The following FREM2 variants were observed in gnomAD, a reference collection of about 807,000 sequenced individuals.
The protein encoded by FREM2 is FRAS1 related extracellular matrix 2.
Under a neutral mutation model 219.9 loss-of-function variants are expected in FREM2, and 119 were observed. The ratio of observed to expected loss-of-function variants is 0.54; its 90% CI spans 0.47 to 0.63. The LOEUF (loss-of-function observed/expected upper bound fraction) is 0.63. Among genes scored for constraint, FREM2 ranks in the 30% least tolerant of loss-of-function variants. The pLI, the probability that FREM2 is intolerant of heterozygous loss-of-function variation, is 0.00. For synonymous variants in FREM2, 1,562 were observed against 1,522.8 expected (o/e 1.03, Z -0.60); for missense variants, 4,030 against 3,993.6 (o/e 1.01, Z -0.25).
chr13:38,699,928 C>A (rs1870276245), intron 2 of FREM2, among the ~76,000 whole-genome samples: 1 of 152,014 alleles, frequency 6.6e-6, no homozygotes. Flanking sequence ...GTAGGCATAT[C>A]TATAAGTCAT....
rs754616560 is a variant in FREM2 at position 38,850,973 on chromosome 13, C to G, written c.6607C>G (p.Leu2203Val). 13 of 1,613,040 alleles carry G rather than the reference C, an allele frequency of 8.1e-6. No homozygotes were observed. Among genetic ancestry groups the G allele is most frequent in the Non-Finnish European group, 1.1e-5 (13 of 1,179,980 alleles). Residue 2203 changes from leucine to valine, a missense_variant, in exon 10 of 24, where the codon CTG becomes GTG. Leu to Val is a conservative substitution (Grantham distance 32). This residue lies in a region of FREM2 where 3,102 missense variants were observed against 2,950.7 expected (regional missense o/e 1.05). Coordinates refer to ENST00000280481, the MANE Select transcript of FREM2 (RefSeq NM_207361.6). ...GACAGAAAAGCCCTGCATTCTTGAG[C>G]TGATGGACGATGTGCTCTATGAGGA... ...GETEKPCILELMDDVLYEEVE... is the reference protein window; with the variant it reads ...GETEKPCILEVMDDVLYEEVE...
At chr13:38,783,465 T>A in intron 5 of FREM2, among the ~76,000 whole-genome samples, 1 of 82,410 alleles carries the variant, frequency 1.2e-5, no homozygotes. Flanking sequence ...TAGAAATGGG[T>A]TACTATATAA....
intron 4 of FREM2, among the ~76,000 whole-genome samples, chr13:38,771,008 G>T (rs528173274): frequency 1.3e-5 from 2 of 152,096 alleles, no homozygotes; most frequent in African/African-American, 4.8e-5. Context: ...TATTTTGTCA[G>T]TCAGAAAACT....
At position 38,739,801 on chromosome 13, in the gene FREM2, A is replaced by G. The variant is rs556885299; in HGVS notation, c.5264-24503A>G. Among the ~76,000 whole-genome samples, 3 of 152,322 alleles carry G rather than the reference A, an allele frequency of 2.0e-5. No homozygotes were observed. The East Asian group carries it at 5.8e-4, about 29-fold the overall frequency. On this transcript the variant is annotated intron_variant, in intron 2 of 23. Transcript: ENST00000280481. ...CCAGTATTGTTTGGTTATATAGTGC[A>G]TGATTGGAATTTGTTTTACTGATAA...
chr13:38,712,524 A>G (rs566304779), intron 2 of FREM2, among the ~76,000 whole-genome samples: 1 of 152,304 alleles, frequency 6.6e-6, no homozygotes, highest in South Asian at 2.1e-4. Context: ...GAATATAGAA[A>G]GCATTTTGTA....
rs533160053 is a variant in FREM2 at position 38,849,309 on chromosome 13, A to C, written c.6379+639A>C. ...GTCATCAGTATCTTGATTGTGCCTCAAGAATTCCCGTCACCACAGTTGGGT... is the reference window on the plus strand; with the variant it reads ...GTCATCAGTATCTTGATTGTGCCTCCAGAATTCCCGTCACCACAGTTGGGT... On this transcript the variant is annotated intron_variant, in intron 8 of 23. Transcript: ENST00000280481. Among the ~76,000 whole-genome samples the C allele has an allele frequency of 3.9e-5, 6 of 152,336 alleles. No homozygotes were observed. The South Asian group carries it at 1.0e-3, about 26-fold the overall frequency.
At chr13:38,879,990 A>AT in intron 23 of FREM2, among the ~76,000 whole-genome samples, 1 of 152,252 alleles carries the variant, frequency 6.6e-6, no homozygotes, top group South Asian at 2.1e-4. Context: ...TAATTTACTC[A>AT]TTTTTTTAGT....
intron 2 of FREM2, among the ~76,000 whole-genome samples, chr13:38,751,953 A>G (rs1459004419): frequency 2.6e-5 from 4 of 152,152 alleles, no homozygotes; most frequent in Non-Finnish European, 4.4e-5. Flanking sequence ...AATCTGAGAT[A>G]GTGAAATTAA....
At chr13:38,839,613 C>T (rs118099880) in intron 6 of FREM2, among the ~76,000 whole-genome samples, 2,378 of 152,250 alleles carry the variant, frequency 0.016, 15 homozygotes, top group Admixed American at 0.026. Context: ...AGTTTTAGCC[C>T]CTGACTGGGG....
intron 2 of FREM2, among the ~76,000 whole-genome samples, chr13:38,742,125 A>G (rs1872273672): frequency 6.6e-6 from 1 of 152,214 alleles, no homozygotes; most frequent in Non-Finnish European, 1.5e-5. Context: ...GAACTGTCCA[A>G]GTTTTAAGTA....
Position 38,874,661 on chromosome 13 carries a change from C to T in FREM2, c.8281+75C>T, listed in dbSNP as rs1878282397. 8 of 1,186,386 alleles carry T rather than the reference C, an allele frequency of 6.7e-6. No individual in the cohort carries two copies. The East Asian group carries it at 9.3e-5, about 14-fold the overall frequency. 73.5% of individuals were successfully genotyped at this position (1,186,386 alleles called of 1,614,324 possible). On this transcript the variant is annotated intron_variant, in intron 18 of 23. Transcript: ENST00000280481. Reference sequence around the variant, plus strand: ...GATTTTCCATCTTCACACATTTCAGCGTGCTTCTCTGTTACCACTGAAGCC... The same window carrying T: ...GATTTTCCATCTTCACACATTTCAGTGTGCTTCTCTGTTACCACTGAAGCC...
In FREM2 at chr13:38,878,200, G is replaced by A. The variant is rs1381527629; in HGVS notation, c.8738G>A (p.Ser2913Asn). 6.2e-7 allele frequency: 1 copy of A among 1,613,702 alleles called. No individual in the cohort carries two copies. The highest frequency in any genetic ancestry group is 8.5e-7 in the Non-Finnish European group (1 of 1,179,748). The change falls in exon 22 of 24, where the codon AGC becomes AAC. Residue 2913 changes from serine to asparagine, a missense_variant. Coordinates refer to ENST00000280481, the MANE Select transcript of FREM2 (RefSeq NM_207361.6). ...AATCTGGGTGACTCCTTTTACTGCA[G>A]CATTGAGAAGGTGTTTCTATGCACT... ...VQNLGDSFYCSIEKVFLCTGA... is the reference protein window; with the variant it reads ...VQNLGDSFYCNIEKVFLCTGA...
chr13:38,761,553 G>C (rs544647301), intron 2 of FREM2, among the ~76,000 whole-genome samples: 4 of 152,264 alleles, frequency 2.6e-5, no homozygotes, highest in African/African-American at 9.6e-5. Context: ...AATGGATACT[G>C]TCAATTATTG....
At chr13:38,793,522 T>C (rs990992856) in intron 6 of FREM2, among the ~76,000 whole-genome samples, 4 of 152,006 alleles carry the variant, frequency 2.6e-5, no homozygotes, top group Non-Finnish European at 5.9e-5. Flanking sequence ...TAACAAGAGT[T>C]TGGAGAGGTG....
rs142012270 is a variant in FREM2, at chr13:38,880,684, G to A, written c.9407G>A (p.Arg3136Lys). The change falls in exon 24 of 24, where the codon AGG (arginine) becomes AAG (lysine). Residue 3136 changes from arginine (R) to lysine (K), a missense_variant. Transcript: ENST00000280481. ...ACTGTCATTGCAGTGCTGATGTGCAGGGGCAAGGAAAGTTTCAGGGGGAAG... is the reference window on the plus strand; with the variant it reads ...ACTGTCATTGCAGTGCTGATGTGCAAGGGCAAGGAAAGTTTCAGGGGGAAG... Reference protein sequence around the residue: ...CLTVIAVLMCRGKESFRGKDA... With the variant: ...CLTVIAVLMCKGKESFRGKDA... 2.2e-5 allele frequency: 35 copies of A among 1,614,048 alleles called. No individual in the cohort carries two copies. The highest frequency in any genetic ancestry group is 2.9e-5 in the Non-Finnish European group (34 of 1,180,042).
At chr13:38,718,476 A>G (rs961940463) in intron 2 of FREM2, among the ~76,000 whole-genome samples, 1 of 152,150 alleles carries the variant, frequency 6.6e-6, no homozygotes, top group Admixed American at 6.6e-5. Context: ...TTATTAATGG[A>G]AATAAAGCAT....
At chr13:38,865,463 T>C (rs1253516920) in intron 16 of FREM2, among the ~76,000 whole-genome samples, 1 of 152,218 alleles carries the variant, frequency 6.6e-6, no homozygotes, top group Non-Finnish European at 1.5e-5. Context: ...GGTTTATGCA[T>C]TGAAGTGTTG....
chr13:38,691,269 A>G lies in FREM2; in HGVS notation c.3925A>G (p.Asn1309Asp). ...VDDETPRMTI[N>D]NGLEIEIGDT... Reference sequence around the variant, plus strand: ...TGATGAGACGCCCAGAATGACTATCAATAATGGACTAGAAATAGAAATTGG... The same window carrying G: ...TGATGAGACGCCCAGAATGACTATCGATAATGGACTAGAAATAGAAATTGG... Residue 1309 changes from asparagine to aspartate, a missense_variant, in exon 1 of 24, where the codon AAT (asparagine) becomes GAT (aspartate). By Grantham distance (23) the Asn-to-Asp change is conservative. Around this residue, in one of 2 missense-constraint regions of FREM2, gnomAD observed 3,102 missense variants for 2,950.7 expected, o/e 1.05. Coordinates refer to ENST00000280481, the MANE Select transcript of FREM2 (RefSeq NM_207361.6). 2 of 1,613,850 alleles carry G rather than the reference A, an allele frequency of 1.2e-6. No homozygotes were observed. The highest frequency in any genetic ancestry group is 1.1e-5 in the South Asian group (1 of 91,080).
At chr13:38,748,064 G>A (rs1447392380) in intron 2 of FREM2, among the ~76,000 whole-genome samples, 3 of 151,962 alleles carry the variant, frequency 2.0e-5, no homozygotes, top group Admixed American at 2.0e-4. Context: ...GTGTTTTTTG[G>A]AACTGGCCAA....
Sources: gnomAD v4.1 joint callset for allele counts (sites outside exome capture counted in the v4.1 genomes callset) on GRCh38, gnomAD v4.1.1 for gene constraint, gnomAD v4.1.1 regional missense constraint, MANE v1.5 for transcripts, NCBI Gene and HGNC (gene_info 2026-07-23, HGNC 2026-07-21) for gene names.